The following ITM2B variants were observed in gnomAD, a reference collection of about 807,000 sequenced individuals.
ITM2B encodes the protein integral membrane protein 2B, also known as ABri/ADan amyloid peptide.
Under a neutral mutation model 27.8 loss-of-function variants are expected in ITM2B, and 11 were observed. The observed-to-expected ratio is 0.40, with a 90% CI of 0.25 to 0.66. The LOEUF (loss-of-function observed/expected upper bound fraction) is 0.66. ITM2B is among the 30% of genes least tolerant of loss of function. The pLI is 0.43. For missense variants in ITM2B, 296 were observed against 328.9 expected (o/e 0.90, Z 0.77); for synonymous variants, 114 against 114.3 (o/e 1.00, Z 0.02).
chr13:48,261,046 CT>C, intron 5 of ITM2B, 92 bp from the exon 6 acceptor site: 1 of 837,584 alleles, frequency 1.2e-6, no homozygotes. Context: ...GAGTGAAATA[CT>C]TCTATATGTC....
At chr13:48,247,312 A>T (rs747348793) in intron 1 of ITM2B, among the ~76,000 whole-genome samples, 3 of 152,146 alleles carry the variant, frequency 2.0e-5, no homozygotes, top group African/African-American at 7.2e-5. Context: ...AAGGTTCAGT[A>T]TATTTTGAGT....
chr13:48,258,165 T>C lies in ITM2B; in HGVS notation c.493T>C (p.Tyr165His). The change falls in exon 4 of 6, where the codon TAT becomes CAT. Residue 165 changes from tyrosine to histidine, a missense_variant. Transcript: ENST00000647800. ...TTTAGATCTTAACCTGGATAAGTGC[T>C]ATGTGATCCCTCTGAACACTTCCAT... ...AYLDLNLDKC[Y>H]VIPLNTSIVM... The C allele has an allele frequency of 6.2e-7, 1 of 1,605,044 alleles. No homozygotes were observed. Among genetic ancestry groups the C allele is most frequent in the Non-Finnish European group, 8.5e-7 (1 of 1,171,908 alleles).
At chr13:48,255,676 G>A (rs2137993332) in intron 2 of ITM2B, among the ~76,000 whole-genome samples, 1 of 152,226 alleles carries the variant, frequency 6.6e-6, no homozygotes, top group Non-Finnish European at 1.5e-5. Flanking sequence ...ATTTTCCACT[G>A]AATTGTGATA....
chr13:48,258,404 A>T (rs2137995568), intron 4 of ITM2B, among the ~76,000 whole-genome samples, 168 bp downstream of exon 4: 1 of 152,348 alleles, frequency 6.6e-6, no homozygotes, highest in South Asian at 2.1e-4. Flanking sequence ...ATATCTTGAA[A>T]TTGAAATAAA....
rs1168294963 is a variant in ITM2B at position 48,269,895 on chromosome 13, G to C, written c.*8671G>C. ...GAGGATGGGCAAAAATAATGACTAG[G>C]ACTTGGCTCAAGATTCCTCAAACAG... On this transcript the variant is annotated 3_prime_UTR_variant, in exon 6 of 6. Coordinates refer to ENST00000647800, the MANE Select transcript of ITM2B (RefSeq NM_021999.5). The C allele has an allele frequency of 1.3e-5, 2 of 152,224 alleles. No individual in the cohort carries two copies. The highest frequency in any genetic ancestry group is 4.8e-5 in the African/African-American group (2 of 41,426). 9.4% of individuals were successfully genotyped at this position (152,224 alleles called of 1,614,324 possible). A position where few individuals can be genotyped will look rare whatever the true frequency, so the allele number is the denominator to read the frequency against.
chr13:48,250,458 A>T (rs929298748), intron 1 of ITM2B, among the ~76,000 whole-genome samples: 1 of 152,072 alleles, frequency 6.6e-6, no homozygotes, highest in Non-Finnish European at 1.5e-5. Flanking sequence ...CTCTACTAAA[A>T]ATACAAAAAA....
intron 1 of ITM2B, among the ~76,000 whole-genome samples, chr13:48,239,032 G>A (rs1301413708): frequency 6.6e-6 from 1 of 152,122 alleles, no homozygotes; most frequent in African/African-American, 2.4e-5. Flanking sequence ...TTTAAAAGAT[G>A]CATTGTTAAT....
chr13:48,233,292 C>A lies in ITM2B; in HGVS notation c.-69C>A. 2.0e-6 allele frequency: 2 copies of A among 1,017,982 alleles called. No homozygotes were observed. The highest frequency in any genetic ancestry group is 2.5e-4 in the Middle Eastern group (1 of 4,036). The allele number at this position is 1,017,982 out of a possible 1,614,324, so 63.1% of individuals were successfully genotyped here. A position where few individuals can be genotyped will look rare whatever the true frequency, so the allele number is the denominator to read the frequency against. ...GGAGCCCGGCCGTAGAGGCTGCAATCGCAGCCGGGAGCCCGCAGCCCGCGC... is the reference window on the plus strand; with the variant it reads ...GGAGCCCGGCCGTAGAGGCTGCAATAGCAGCCGGGAGCCCGCAGCCCGCGC... On this transcript the variant is annotated 5_prime_UTR_variant, in exon 1 of 6. Coordinates refer to ENST00000647800, the MANE Select transcript of ITM2B (RefSeq NM_021999.5).
chr13:48,260,049 C>T (rs1232710558), intron 5 of ITM2B, among the ~76,000 whole-genome samples: 1 of 152,052 alleles, frequency 6.6e-6, no homozygotes, highest in Non-Finnish European at 1.5e-5. Context: ...CTCTCTGTGT[C>T]CATGTGTTCT....
chr13:48,240,013 C>G (rs1951690630), intron 1 of ITM2B, among the ~76,000 whole-genome samples: 1 of 152,174 alleles, frequency 6.6e-6, no homozygotes, highest in East Asian at 1.9e-4. Flanking sequence ...TAGCAGAATT[C>G]AGGTTATACA....
chr13:48,258,651 A>T (rs1204063761), intron 4 of ITM2B, 146 bp from the exon 5 acceptor site: 1 of 745,718 alleles, frequency 1.3e-6, no homozygotes, highest in African/African-American at 1.7e-5. Context: ...CCTGGACAAC[A>T]TAGTGAGAAC....
At chr13:48,252,823 T>A (rs1951762743) in intron 1 of ITM2B, among the ~76,000 whole-genome samples, 1 of 152,218 alleles carries the variant, frequency 6.6e-6, no homozygotes, top group Admixed American at 6.5e-5. Context: ...TTTTGCAGTC[T>A]TTACTATTTA....
rs1050282342 is a variant in ITM2B, at chr13:48,263,702, T to C, written c.*2478T>C. ...AAGATCAAGTCACCTGCAGATTCAG[T>C]GTCTGATGAGGTCCTCCTTCCTCAC... On this transcript the variant is annotated 3_prime_UTR_variant, in exon 6 of 6. Transcript: ENST00000647800. The C allele has an allele frequency of 6.6e-6, 1 of 152,312 alleles. No individual in the cohort carries two copies. Among genetic ancestry groups the C allele is most frequent in the East Asian group, 1.9e-4 (1 of 5,188 alleles). 9.4% of individuals were successfully genotyped at this position (152,312 alleles called of 1,614,324 possible).
In ITM2B at chr13:48,265,419, G is replaced by A. The variant is rs1182313752; in HGVS notation, c.*4195G>A. 6.6e-6 allele frequency: 1 copy of A among 152,210 alleles called. No individual in the cohort carries two copies. 9.4% of individuals were successfully genotyped at this position (152,210 alleles called of 1,614,324 possible). A position where few individuals can be genotyped will look rare whatever the true frequency, so the allele number is the denominator to read the frequency against. On this transcript the variant is annotated 3_prime_UTR_variant, in exon 6 of 6. Transcript: ENST00000647800. ...ACCCCACAGTCTTCACAGTCACTGT[G>A]TCCTCCACCTCCTAGCAGCTTCCTG... is the stretch of plus-strand genomic sequence containing the variant.
At chr13:48,240,096 CTG>C (rs1474923284) in intron 1 of ITM2B, among the ~76,000 whole-genome samples, 3 of 152,276 alleles carry the variant, frequency 2.0e-5, no homozygotes, top group Admixed American at 2.0e-4. Context: ...CTTCAGTTCT[CTG>C]TGTCTCAGTT....
rs1189135346 is a variant in ITM2B, at chr13:48,233,422, A to G, written c.62A>G (p.Lys21Arg). The G allele has an allele frequency of 2.6e-6, 4 of 1,551,234 alleles. No homozygotes were observed. The highest frequency in any genetic ancestry group is 2.5e-5 in the East Asian group (1 of 39,700). Residue 21 changes from lysine to arginine, a missense_variant, in exon 1 of 6, where the codon AAG becomes AGG. By Grantham distance (26) the Lys-to-Arg change is conservative. Coordinates refer to ENST00000647800, the MANE Select transcript of ITM2B (RefSeq NM_021999.5). ...AQKEAKKDEP[K>R]SGEEALIIPP... ...AAGGAGGCCAAGAAGGACGAGCCCA[A>G]GAGCGGCGAGGAGGCGCTCATCATC... is the stretch of plus-strand genomic sequence containing the variant.
rs141285278 is a variant in ITM2B at position 48,239,616 on chromosome 13, A to G, written c.117+6139A>G. 1.9e-3 allele frequency among the ~76,000 whole-genome samples: 286 copies of G among 152,348 alleles called. 5 individuals are homozygous for G. The highest frequency in any genetic ancestry group is 6.5e-3 in the African/African-American group (271 of 41,580). ...CATTGCATTCCAGCCTGGGTGACACAGCAAGACTCTGTCTCAAAAAACAAA... is the reference window on the plus strand; with the variant it reads ...CATTGCATTCCAGCCTGGGTGACACGGCAAGACTCTGTCTCAAAAAACAAA... On this transcript the variant is annotated intron_variant, in intron 1 of 5. Coordinates refer to ENST00000647800, the MANE Select transcript of ITM2B (RefSeq NM_021999.5).
chr13:48,243,766 G>C (rs1423524527), intron 1 of ITM2B, among the ~76,000 whole-genome samples: 1 of 152,008 alleles, frequency 6.6e-6, no homozygotes, highest in African/African-American at 2.4e-5. Context: ...GCAGTGAGCC[G>C]TGATTGCACT....
intron 1 of ITM2B, among the ~76,000 whole-genome samples, chr13:48,252,420 G>A (rs1164683454): frequency 6.6e-6 from 1 of 152,168 alleles, no homozygotes; most frequent in African/African-American, 2.4e-5. Context: ...AGATCAGCGG[G>A]GGCATTAGAT....
Sources: allele counts gnomAD v4.1 joint callset (sites outside exome capture counted in the v4.1 genomes callset), GRCh38; gene constraint gnomAD v4.1.1; transcripts MANE v1.5; gene names NCBI Gene and HGNC (gene_info 2026-07-23, HGNC 2026-07-21).